WWOX: variants seen among roughly 807,000 people sequenced by gnomAD.
WWOX encodes WW domain containing oxidoreductase.
Under a neutral mutation model 46.2 loss-of-function variants are expected in WWOX, and 69 were observed. The observed-to-expected ratio is 1.49, with a 90% CI of 1.23 to 1.82. The LOEUF (loss-of-function observed/expected upper bound fraction) is 1.82. Ranked by LOEUF, WWOX falls within the 40% of genes most tolerant of loss-of-function variation. WWOX has a pLI of 0.00. For missense variants in WWOX, 919 were observed against 542.6 expected, an observed-to-expected ratio of 1.69 and a Z score of -6.89; for synonymous variants, 359 against 202.6, an observed-to-expected ratio of 1.77 and a Z score of -6.56.
intron 8 of WWOX, among the ~76,000 whole-genome samples, chr16:79,098,253 A>C (rs558457330): frequency 6.6e-6 from 1 of 152,224 alleles, no homozygotes; most frequent in Non-Finnish European, 1.5e-5. Context: ...GCAGAGGCAC[A>C]GTCACATTTG....
Position 78,099,831 on chromosome 16 carries a change from T to C in WWOX, c.53T>C (p.Leu18Pro). The change falls in exon 1 of 9, where the codon CTG (leucine) becomes CCG (proline). Residue 18 changes from leucine to proline, a missense_variant. Physicochemically the swap from Leu to Pro is moderately conservative, Grantham distance 98. Transcript: ENST00000566780. ...GACGACACGGACAGTGAGGACGAGC[T>C]GCCTCCGGGCTGGGAGGAGAGAACC... is the stretch of plus-strand genomic sequence containing the variant. ...GLDDTDSEDE[L>P]PPGWEERTTK... 6.3e-7 allele frequency: 1 copy of C among 1,582,074 alleles called. No homozygotes were observed. The highest frequency in any genetic ancestry group is 1.8e-5 in the Admixed American group (1 of 55,324).
At chr16:79,164,556 G>A (rs1449797597) in intron 8 of WWOX, among the ~76,000 whole-genome samples, 3 of 152,132 alleles carry the variant, frequency 2.0e-5, no homozygotes, top group Non-Finnish European at 4.4e-5. Flanking sequence ...CAAGTGACAG[G>A]CGTCCAGAGC....
chr16:78,116,977 G>T (rs753703078), intron 4 of WWOX, among the ~76,000 whole-genome samples: 1 of 152,276 alleles, frequency 6.6e-6, no homozygotes, highest in Non-Finnish European at 1.5e-5. Flanking sequence ...CTGCGACATT[G>T]TAATCCAGGA....
At chr16:78,987,275 C>G (rs1404889052) in intron 8 of WWOX, among the ~76,000 whole-genome samples, 6 of 152,176 alleles carry the variant, frequency 3.9e-5, no homozygotes, top group Admixed American at 6.5e-5. Context: ...GCTTTAGGTT[C>G]CATGATCTTT....
intron 5 of WWOX, among the ~76,000 whole-genome samples, chr16:78,303,583 T>C (rs1323308003): frequency 6.6e-6 from 1 of 152,212 alleles, no homozygotes; most frequent in Non-Finnish European, 1.5e-5. Flanking sequence ...TCGCTCTCGT[T>C]GCCCAGTCTG....
In WWOX at chr16:78,412,457, G is replaced by A. The variant is rs72628247; in HGVS notation, c.606-12413G>A. ...TGAAGTCTTCATGGCGATTTTGTTC[G>A]GAGTCATGGATTTGGAAGAAACTGC... On this transcript the variant is annotated intron_variant, in intron 6 of 8. Coordinates refer to ENST00000566780, the MANE Select transcript of WWOX (RefSeq NM_016373.4). Among the ~76,000 whole-genome samples, 1,071 of 152,278 alleles carry A rather than the reference G, an allele frequency of 7.0e-3. 23 individuals are homozygous for A. In the East Asian group the frequency reaches 0.084, roughly 12 times the overall value.
At chr16:78,385,598 G>T (rs542418054) in intron 5 of WWOX, among the ~76,000 whole-genome samples, 1 of 152,240 alleles carries the variant, frequency 6.6e-6, no homozygotes, top group South Asian at 2.1e-4. Flanking sequence ...TGGCAGCCAA[G>T]ATAAACCAGC....
At chr16:78,219,679 T>C (rs946654523) in intron 5 of WWOX, among the ~76,000 whole-genome samples, 6 of 152,164 alleles carry the variant, frequency 3.9e-5, no homozygotes, top group African/African-American at 1.4e-4. Flanking sequence ...AAGACATTAT[T>C]TGGCAACCAG....
chr16:78,725,877 T>A (rs2048818353), intron 8 of WWOX, among the ~76,000 whole-genome samples: 1 of 152,120 alleles, frequency 6.6e-6, no homozygotes, highest in Non-Finnish European at 1.5e-5. Context: ...TCGCTGCATG[T>A]CATTCACATT....
chr16:79,172,716 T>C (rs368818057), intron 8 of WWOX, among the ~76,000 whole-genome samples: 39 of 152,062 alleles, frequency 2.6e-4, no homozygotes, highest in African/African-American at 8.2e-4. Context: ...GCCATGGAAA[T>C]ATAAAATTGT....
chr16:78,953,829 G>T (rs1300899156), intron 8 of WWOX, among the ~76,000 whole-genome samples: 2 of 152,154 alleles, frequency 1.3e-5, no homozygotes, highest in African/African-American at 4.8e-5. Flanking sequence ...GCATGATCGA[G>T]CCACTCTCCA....
chr16:79,022,525 C>A (rs542518326), intron 8 of WWOX, among the ~76,000 whole-genome samples: 1 of 152,038 alleles, frequency 6.6e-6, no homozygotes, highest in Admixed American at 6.6e-5. Context: ...AGCATATGTT[C>A]CCGATGATTG....
At chr16:79,131,480 T>C (rs1417093226) in intron 8 of WWOX, among the ~76,000 whole-genome samples, 2 of 152,094 alleles carry the variant, frequency 1.3e-5, no homozygotes, top group Non-Finnish European at 2.9e-5. Flanking sequence ...ATTTATGAAA[T>C]GTTAAGCAAT....
At position 78,955,492 on chromosome 16, in the gene WWOX, G is replaced by A. The variant is rs76323711; in HGVS notation, c.1057-256116G>A. 5.3e-5 allele frequency among the ~76,000 whole-genome samples: 8 copies of A among 152,156 alleles called. No individual in the cohort carries two copies. In the East Asian group the frequency reaches 1.5e-3, roughly 29 times the overall value. Reference sequence around the variant, plus strand: ...TGTGAGGGTGGATCACAACTAGGATGGCGCGAAGTTCACCTCGTGTAAGCA... The same window carrying A: ...TGTGAGGGTGGATCACAACTAGGATAGCGCGAAGTTCACCTCGTGTAAGCA... On this transcript the variant is annotated intron_variant, in intron 8 of 8. Transcript: ENST00000566780.
chr16:78,276,653 G>C (rs1405907765), intron 5 of WWOX, among the ~76,000 whole-genome samples: 2 of 152,204 alleles, frequency 1.3e-5, no homozygotes, highest in African/African-American at 4.8e-5. Flanking sequence ...AGAAAGTCCA[G>C]TGTTTGTAGC....
intron 8 of WWOX, among the ~76,000 whole-genome samples, chr16:78,812,632 G>A (rs1366378709): frequency 2.0e-5 from 3 of 151,832 alleles, no homozygotes; most frequent in African/African-American, 4.8e-5. Flanking sequence ...AGGCTGACGC[G>A]CGAGAATCAC....
chr16:78,418,901 C>T (rs1407416129), intron 6 of WWOX, among the ~76,000 whole-genome samples: 2 of 151,806 alleles, frequency 1.3e-5, no homozygotes, highest in African/African-American at 2.4e-5. Flanking sequence ...AGGATATTCA[C>T]TCTCATCACT....
chr16:78,830,103 T>TA (rs754677788), intron 8 of WWOX, among the ~76,000 whole-genome samples: 17 of 151,260 alleles, frequency 1.1e-4, no homozygotes, highest in Non-Finnish European at 2.2e-4. Flanking sequence ...CTCATCTCTA[T>TA]AAAAAATTTA....
intron 8 of WWOX, among the ~76,000 whole-genome samples, chr16:78,759,196 A>G (rs1304577507): frequency 6.6e-6 from 1 of 152,098 alleles, no homozygotes; most frequent in Non-Finnish European, 1.5e-5. Flanking sequence ...TTACACGGAG[A>G]AGTGTTAGAA....
Sources: gnomAD v4.1 joint callset for allele counts (sites outside exome capture counted in the v4.1 genomes callset) on GRCh38, gnomAD v4.1.1 for gene constraint, MANE v1.5 for transcripts, NCBI Gene and HGNC (gene_info 2026-07-23, HGNC 2026-07-21) for gene names.